The following AK7 variants were observed in gnomAD, a reference collection of about 807,000 sequenced individuals.
The protein encoded by AK7 is ATP-AMP transphosphorylase 7.
Under a neutral mutation model 96.6 loss-of-function variants are expected in AK7, and 78 were observed. The observed-to-expected ratio is 0.81, with a 90% CI of 0.67 to 0.97. AK7 has a LOEUF of 0.97. Among genes scored for constraint, AK7 ranks in the 50% least tolerant of loss-of-function variants. The pLI, the probability that AK7 is intolerant of heterozygous loss-of-function variation, is 0.00. For synonymous variants in AK7, 302 were observed against 317.2 expected, an observed-to-expected ratio of 0.95 and a Z score of 0.51; for missense variants, 855 against 887.9, an observed-to-expected ratio of 0.96 and a Z score of 0.47.
In AK7 at chr14:96,458,216, A is replaced by C; in HGVS notation, c.1357+4A>C. 2.5e-6 allele frequency: 4 copies of C among 1,613,600 alleles called. No individual in the cohort carries two copies. The South Asian group carries it at 4.4e-5, about 18-fold the overall frequency. On this transcript the variant is annotated splice_donor_region_variant and intron_variant, in intron 12 of 17. Coordinates refer to ENST00000267584, the MANE Select transcript of AK7 (RefSeq NM_152327.5). ...GAGAGCATGGAGCAGAATGCAGGTA[A>C]CACACACCCAGCAGAGAGCCACGCT...
At chr14:96,472,810 G>GAGCCACCACGCCCA in intron 14 of AK7, 55 bp downstream of exon 14, 1 of 1,476,784 alleles carries the variant, frequency 6.8e-7, no homozygotes, top group Non-Finnish European at 9.4e-7. Flanking sequence ...GGCTGGGCGT[G>GAGCCACCACGCCCA]GTGGCTCACG....
At chr14:96,452,187 A>G (rs780745952) in intron 10 of AK7, among the ~76,000 whole-genome samples, 3 of 152,248 alleles carry the variant, frequency 2.0e-5, no homozygotes, top group Non-Finnish European at 2.9e-5. Context: ...TGAAATATGT[A>G]GACATTGTGG....
chr14:96,466,669 T>A (rs1595451357), intron 12 of AK7, among the ~76,000 whole-genome samples: 1 of 152,188 alleles, frequency 6.6e-6, no homozygotes, highest in East Asian at 1.9e-4. Context: ...ACCTGGCCCG[T>A]TCCTGGAGTG....
intron 14 of AK7, among the ~76,000 whole-genome samples, chr14:96,478,254 CA>C (rs1343565765): frequency 6.6e-6 from 1 of 151,882 alleles, no homozygotes; most frequent in Non-Finnish European, 1.5e-5. Context: ...ATAGATTGCA[CA>C]AAATACTAAT....
At chr14:96,423,870 G>T in intron 5 of AK7, 1 of 879,680 alleles carries the variant, frequency 1.1e-6, no homozygotes. Context: ...CATTTCAGCG[G>T]CCTGTGCCTT....
chr14:96,450,352 G>A (rs1413306654), intron 9 of AK7, among the ~76,000 whole-genome samples: 1 of 151,390 alleles, frequency 6.6e-6, no homozygotes, highest in Non-Finnish European at 1.5e-5. Flanking sequence ...GGAGGCAGAG[G>A]TTGCAGTCAG....
At position 96,437,862 on chromosome 14, in the gene AK7, G is replaced by T. The variant is rs1219835861; in HGVS notation, c.637G>T (p.Ala213Ser). 3 of 1,611,762 alleles carry T rather than the reference G, an allele frequency of 1.9e-6. No homozygotes were observed. The highest frequency in any genetic ancestry group is 2.5e-6 in the Non-Finnish European group (3 of 1,178,988). The change falls in exon 6 of 18, where the codon GCT becomes TCT. Residue 213 changes from alanine to serine, a missense_variant. Ala to Ser is a moderately conservative substitution (Grantham distance 99, BLOSUM62 1). Transcript: ENST00000267584. ...KARKFAAYVVAAGLQYGAEGG... is the reference protein window; with the variant it reads ...KARKFAAYVVSAGLQYGAEGG... The stretch of plus-strand genomic sequence containing the variant: ...CAGAAAATTTGCAGCATACGTAGTT[G>T]CTGCTGGACTCCAGTATGGAGCGGA...
chr14:96,463,441 C>T (rs906414983), intron 12 of AK7, among the ~76,000 whole-genome samples: 37 of 152,040 alleles, frequency 2.4e-4, no homozygotes, highest in African/African-American at 8.4e-4. Flanking sequence ...AGAGAGGAGC[C>T]GGGCGCGGTG....
chr14:96,440,004 C>G (rs1302102043), intron 6 of AK7, among the ~76,000 whole-genome samples: 1 of 152,136 alleles, frequency 6.6e-6, no homozygotes, highest in Non-Finnish European at 1.5e-5. Flanking sequence ...AAGAAGGAGT[C>G]TTACTCTTTC....
intron 12 of AK7, among the ~76,000 whole-genome samples, chr14:96,462,850 AACC>A (rs1894330687): frequency 6.6e-6 from 1 of 152,194 alleles, no homozygotes; most frequent in Non-Finnish European, 1.5e-5. Context: ...TAAAACAGTT[AACC>A]TTGGCCAGGC....
intron 5 of AK7, among the ~76,000 whole-genome samples, chr14:96,432,766 C>T (rs535358069): frequency 6.7e-6 from 1 of 148,198 alleles, no homozygotes; most frequent in African/African-American, 2.5e-5. Flanking sequence ...AGGCAGATCA[C>T]AAGGTCAGGA....
At chr14:96,466,429 G>A (rs948677034) in intron 12 of AK7, among the ~76,000 whole-genome samples, 4 of 151,842 alleles carry the variant, frequency 2.6e-5, no homozygotes, top group South Asian at 4.2e-4. Flanking sequence ...TAGTAGAGAC[G>A]GGGTTTCACC....
chr14:96,453,019 T>A (rs543323154), intron 10 of AK7, among the ~76,000 whole-genome samples: 10 of 152,282 alleles, frequency 6.6e-5, no homozygotes, highest in African/African-American at 2.4e-4. Context: ...GAGTAACAGG[T>A]GTCATCATAA....
At chr14:96,446,652 T>C (rs1394898557) in intron 8 of AK7, 45 bp downstream of exon 8, 1 of 1,581,684 alleles carries the variant, frequency 6.3e-7, no homozygotes, top group South Asian at 1.1e-5. Context: ...TCGTAAATAG[T>C]TTTGCTGGCT....
rs74090310 is a variant in AK7, at chr14:96,456,401, A to G, written c.1153A>G (p.Lys385Glu). The change falls in exon 11 of 18, where the codon AAA (lysine) becomes GAA (glutamate). Residue 385 changes from lysine to glutamate, a missense_variant. Lys to Glu is a moderately conservative substitution (Grantham distance 56). Coordinates refer to ENST00000267584, the MANE Select transcript of AK7 (RefSeq NM_152327.5). ...PPAVGKSSIAKELANYYKLHH... is the reference protein window; with the variant it reads ...PPAVGKSSIAEELANYYKLHH... ...TGCTGTGGGAAAATCCAGTATTGCTAAAGAATTGGCCAACTACTACAAACT... is the reference window on the plus strand; with the variant it reads ...TGCTGTGGGAAAATCCAGTATTGCTGAAGAATTGGCCAACTACTACAAACT... 5.1e-3 allele frequency: 8,193 copies of G among 1,613,880 alleles called. 373 individuals are homozygous for G. In the African/African-American group the frequency reaches 0.095, roughly 19 times the overall value.
intron 12 of AK7, among the ~76,000 whole-genome samples, chr14:96,465,932 C>T (rs1442784217): frequency 1.3e-5 from 2 of 150,390 alleles, no homozygotes; most frequent in African/African-American, 2.5e-5. Flanking sequence ...ATTGGTTGAA[C>T]CTGGGAGGAG....
intron 16 of AK7, among the ~76,000 whole-genome samples, chr14:96,484,996 T>G (rs1472350790): frequency 6.6e-6 from 1 of 152,202 alleles, no homozygotes; most frequent in African/African-American, 2.4e-5. Context: ...CTGATTAATC[T>G]TCTTAACATA....
At chr14:96,404,958 G>A in intron 3 of AK7, 93 bp downstream of exon 3, 1 of 809,080 alleles carries the variant, frequency 1.2e-6, no homozygotes, top group Non-Finnish European at 1.9e-6. Flanking sequence ...ACAAAGTAGG[G>A]CTATAGAAAA....
At chr14:96,479,023 C>G (rs1438052711) in intron 15 of AK7, among the ~76,000 whole-genome samples, 1 of 151,940 alleles carries the variant, frequency 6.6e-6, no homozygotes, top group Non-Finnish European at 1.5e-5. Flanking sequence ...ATTCTCCTGC[C>G]TCAGCCTCCC....
Sources: allele counts gnomAD v4.1 joint callset (sites outside exome capture counted in the v4.1 genomes callset), GRCh38; gene constraint gnomAD v4.1.1; transcripts MANE v1.5; gene names NCBI Gene and HGNC (gene_info 2026-07-23, HGNC 2026-07-21).